NBEA: variants seen among roughly 807,000 people sequenced by gnomAD.
NBEA encodes lysosomal-trafficking regulator 2.
In NBEA, 44 loss-of-function variants were observed where a neutral mutation model predicts 343.4. The ratio of observed to expected loss-of-function variants is 0.13; its 90% CI spans 0.10 to 0.16. NBEA has a LOEUF of 0.16. Among genes scored for constraint, NBEA ranks in the 10% least tolerant of loss-of-function variants. NBEA has a pLI of 1.00. For synonymous variants in NBEA, 1,175 were observed against 1,238.7 expected, an observed-to-expected ratio of 0.95 and a Z score of 1.08; for missense variants, 2,555 against 3,631.3, an observed-to-expected ratio of 0.70 and a Z score of 7.62.
rs139624661 is a variant in NBEA, at chr13:35,510,708, T to C, written c.6585+38172T>C. On this transcript the variant is annotated intron_variant, in intron 41 of 58. Coordinates refer to ENST00000379939, the MANE Select transcript of NBEA (RefSeq NM_001385012.1). Reference sequence around the variant, plus strand: ...AGGAAGTATTTACTGAGCATCTGACTAGGTACCAAACATTATGCTAGAAAC... The same window carrying C: ...AGGAAGTATTTACTGAGCATCTGACCAGGTACCAAACATTATGCTAGAAAC... Among the ~76,000 whole-genome samples the C allele has an allele frequency of 9.2e-5, 14 of 152,344 alleles. No homozygotes were observed. In the East Asian group the frequency reaches 2.7e-3, roughly 29 times the overall value.
chr13:35,461,059 G>A (rs1239802059), intron 40 of NBEA, among the ~76,000 whole-genome samples: 1 of 151,988 alleles, frequency 6.6e-6, no homozygotes, highest in African/African-American at 2.4e-5. Flanking sequence ...ATCCACAAAT[G>A]GATTAATTCA....
intron 33 of NBEA, among the ~76,000 whole-genome samples, chr13:35,216,786 T>C (rs1445397485): frequency 6.6e-6 from 1 of 151,976 alleles, no homozygotes; most frequent in South Asian, 2.1e-4. Flanking sequence ...CGGATGACAG[T>C]TTGTTTAAAC....
At chr13:35,101,139 T>G (rs903948919) in intron 11 of NBEA, among the ~76,000 whole-genome samples, 5 of 152,020 alleles carry the variant, frequency 3.3e-5, no homozygotes, top group Admixed American at 2.6e-4. Flanking sequence ...CTTTTGGCTA[T>G]TATGAATAAA....
chr13:35,653,257 G>GA (rs1215233816), intron 53 of NBEA, among the ~76,000 whole-genome samples: 4 of 150,228 alleles, frequency 2.7e-5, no homozygotes, highest in African/African-American at 9.8e-5. Context: ...AGATAAATTA[G>GA]AAAAAAATTG....
chr13:35,382,632 G>A (rs12583772), intron 38 of NBEA, among the ~76,000 whole-genome samples: 18,737 of 152,088 alleles, frequency 0.12, 1,654 homozygotes, highest in East Asian at 0.43. Context: ...TTCTACATAA[G>A]CCTATATGCA....
At chr13:35,226,639 CATTTAATTT>C (rs2074666343) in intron 33 of NBEA, among the ~76,000 whole-genome samples, 1 of 147,514 alleles carries the variant, frequency 6.8e-6, no homozygotes, top group Non-Finnish European at 1.5e-5. Flanking sequence ...AATTTTGTGT[CATTTAATTT>C]AAGTGATTGA....
Position 35,082,158 on chromosome 13 carries a change from C to T in NBEA, c.1571+11306C>T, listed in dbSNP as rs562973121. Reference sequence around the variant, plus strand: ...TTCATTTCCCACCTATGAGTGAGAACATGCGGTGTTTGGTTTTTTTGTCCC... The same window carrying T: ...TTCATTTCCCACCTATGAGTGAGAATATGCGGTGTTTGGTTTTTTTGTCCC... On this transcript the variant is annotated intron_variant, in intron 10 of 58. Coordinates refer to ENST00000379939, the MANE Select transcript of NBEA (RefSeq NM_001385012.1). Among the ~76,000 whole-genome samples, 174 of 152,082 alleles carry T rather than the reference C, an allele frequency of 1.1e-3. No homozygotes were observed. In the Middle Eastern group the frequency reaches 0.017, roughly 15 times the overall value.
chr13:34,962,986 G>T (rs2059706973), intron 1 of NBEA, among the ~76,000 whole-genome samples: 1 of 152,052 alleles, frequency 6.6e-6, no homozygotes, highest in African/African-American at 2.4e-5. Context: ...TTTTTCAGAT[G>T]TGGAAACCTA....
chr13:34,968,588 G>A (rs187226259), intron 1 of NBEA, among the ~76,000 whole-genome samples: 1 of 152,110 alleles, frequency 6.6e-6, no homozygotes, highest in South Asian at 2.1e-4. Context: ...AATGGCCAAT[G>A]GCCGTATAAT....
At chr13:35,544,716 C>T (rs920628510) in intron 41 of NBEA, among the ~76,000 whole-genome samples, 1 of 152,166 alleles carries the variant, frequency 6.6e-6, no homozygotes, top group African/African-American at 2.4e-5. Flanking sequence ...TGAACTTTCT[C>T]CCTTCACTTC....
chr13:35,174,796 ATT>A (rs1218459341), intron 27 of NBEA, among the ~76,000 whole-genome samples: 5 of 143,480 alleles, frequency 3.5e-5, no homozygotes, highest in African/African-American at 5.1e-5. Context: ...CTTCAGAGTA[ATT>A]TTTTTTTTTT....
chr13:35,068,317 A>G (rs2063731431), intron 8 of NBEA, among the ~76,000 whole-genome samples: 1 of 152,176 alleles, frequency 6.6e-6, no homozygotes, highest in African/African-American at 2.4e-5. Flanking sequence ...CCACAAAATG[A>G]TTTTAAATCT....
chr13:35,544,998 C>G (rs973936935), intron 41 of NBEA, among the ~76,000 whole-genome samples: 4 of 152,132 alleles, frequency 2.6e-5, no homozygotes, highest in Admixed American at 2.6e-4. Context: ...AACAAAACCA[C>G]AAACCTCAAG....
chr13:35,541,087 C>T (rs1255541923), intron 41 of NBEA, among the ~76,000 whole-genome samples: 3 of 152,076 alleles, frequency 2.0e-5, no homozygotes, highest in Non-Finnish European at 4.4e-5. Context: ...GAGATCTCGC[C>T]CCACATCCTG....
intron 38 of NBEA, 145 bp downstream of exon 38, chr13:35,352,468 T>A: frequency 4.1e-6 from 2 of 485,136 alleles, no homozygotes; most frequent in Non-Finnish European, 6.5e-6. Flanking sequence ...CTGAAATCTT[T>A]AATAATTCTT....
chr13:35,653,928 G>A (rs944445883), intron 53 of NBEA, among the ~76,000 whole-genome samples: 4 of 152,106 alleles, frequency 2.6e-5, no homozygotes, highest in Admixed American at 6.5e-5. Flanking sequence ...TGGTCTTCTT[G>A]TCCTTACTGA....
intron 36 of NBEA, among the ~76,000 whole-genome samples, chr13:35,330,323 G>GT (rs1218252258): frequency 6.6e-6 from 1 of 152,038 alleles, no homozygotes; most frequent in African/African-American, 2.4e-5. Context: ...AATGTCATTT[G>GT]TTTTTATCAG....
Position 35,671,177 on chromosome 13 carries a change from C to A in NBEA, c.*186C>A. On this transcript the variant is annotated 3_prime_UTR_variant, in exon 59 of 59. Coordinates refer to ENST00000379939, the MANE Select transcript of NBEA (RefSeq NM_001385012.1). Reference sequence around the variant, plus strand: ...TTGTGTGTTTTTTCACGACTGAACACCAGCTGCTATCAAGCAAGCTTATAT... The same window carrying A: ...TTGTGTGTTTTTTCACGACTGAACAACAGCTGCTATCAAGCAAGCTTATAT... 1.8e-6 allele frequency: 1 copy of A among 547,074 alleles called. No homozygotes were observed. Among genetic ancestry groups the A allele is most frequent in the Non-Finnish European group, 3.3e-6 (1 of 304,380 alleles). 33.9% of individuals were successfully genotyped at this position (547,074 alleles called of 1,614,324 possible). A position where few individuals can be genotyped will look rare whatever the true frequency, so the allele number is the denominator to read the frequency against.
At chr13:35,424,623 G>T (rs2044530051) in intron 38 of NBEA, among the ~76,000 whole-genome samples, 1 of 152,056 alleles carries the variant, frequency 6.6e-6, no homozygotes, top group South Asian at 2.1e-4. Context: ...TTTCAGTTGG[G>T]TCTCTGCCAG....
Sources: allele counts gnomAD v4.1 joint callset (sites outside exome capture counted in the v4.1 genomes callset), GRCh38; gene constraint gnomAD v4.1.1; transcripts MANE v1.5; gene names NCBI Gene and HGNC (gene_info 2026-07-23, HGNC 2026-07-21).